Variants in HRNR observed in about 807,000 individuals in gnomAD.
HRNR encodes the protein filaggrin family member 3.
Under a neutral mutation model 4.8 loss-of-function variants are expected in HRNR, and 7 were observed. The ratio of observed to expected loss-of-function variants is 1.47; its 90% confidence interval spans 0.83 to 2.75. HRNR has a LOEUF of 2.75. Ranked by LOEUF, HRNR falls within the 30% of genes most tolerant of loss-of-function variation. HRNR has a pLI of 0.00. For synonymous variants in HRNR, 1,023 were observed against 1,242.7 expected (o/e 0.82, Z 3.72); for missense variants, 2,879 against 3,010.4 (o/e 0.96, Z 1.02).
Position 152,218,659 on chromosome 1 carries a change from G to T in HRNR, c.2970C>A (p.Ser990=), listed in dbSNP as rs776210360. The T allele has an allele frequency of 1.7e-5, 28 of 1,609,938 alleles. No individual in the cohort carries two copies. The South Asian group carries it at 2.8e-4, about 16-fold the overall frequency. Residue 990 remains serine (S), a synonymous_variant, in exon 3 of 3, where the codon TCC becomes TCA. Transcript: ENST00000368801. ...SSSYGQHGSG[S]RQSLGHGQHG... ...GTTGGCCGTGGCCCAAAGACTGACGGGAGCCAGACCCATGCTGACCATAGC... is the reference window on the plus strand; with the variant it reads ...GTTGGCCGTGGCCCAAAGACTGACGTGAGCCAGACCCATGCTGACCATAGC...
In HRNR at chr1:152,219,752, T is replaced by A. The variant is rs750780006; in HGVS notation, c.1877A>T (p.His626Leu). The change falls in exon 3 of 3, where the codon CAT becomes CTT. Residue 626 changes from histidine (H) to leucine (L), a missense_variant. This residue lies in a region of HRNR where 2,646 missense variants were observed against 1,377.7 expected (regional missense o/e 1.92). Transcript: ENST00000368801. ...GGAAGACTGACCTGAGGTAGCTCCA[T>A]GTTGGCCACAGCTCGATGACTGTCC... The part of the protein sequence containing the change: ...TSGQSSSCGQ[H>L]GATSGQSSSH... 1.2e-6 allele frequency: 2 copies of A among 1,613,514 alleles called. No homozygotes were observed. The highest frequency in any genetic ancestry group is 2.2e-5 in the South Asian group (2 of 91,060).
chr1:152,218,977 G>A lies in HRNR; in HGVS notation c.2652C>T (p.Gly884=). ...SHHASGRGRH[G]SGSGQSPGHG... ...GGCCTGGAGACTGGCCAGATCCAGAGCCATGTCGGCCGCGGCCCGAAGCGT... is the reference window on the plus strand; with the variant it reads ...GGCCTGGAGACTGGCCAGATCCAGAACCATGTCGGCCGCGGCCCGAAGCGT... Residue 884 remains glycine, a synonymous_variant, in exon 3 of 3, where the codon GGC becomes GGT. Coordinates refer to ENST00000368801, the MANE Select transcript of HRNR (RefSeq NM_001009931.3). 2 of 1,608,080 alleles carry A rather than the reference G, an allele frequency of 1.2e-6. No individual in the cohort carries two copies. The highest frequency in any genetic ancestry group is 1.7e-4 in the Middle Eastern group (1 of 6,040).
At position 152,219,990 on chromosome 1, in the gene HRNR, G is replaced by A. The variant is rs142288299; in HGVS notation, c.1639C>T (p.Arg547Ter). Residue 547 changes from arginine to a stop codon, truncating the protein, a stop_gained, in exon 3 of 3, where the codon CGA becomes TGA. Coordinates refer to ENST00000368801, the MANE Select transcript of HRNR (RefSeq NM_001009931.3). LOFTEE classifies it low-confidence loss of function (END_TRUNC). ...GACTGCCTGGAACCAGACTCATGTC[G>A]GCCACGGCTAGGGCTAGGAGACTGG... ...SGQSPSPSRG[R>*]HESGSRQSSS... The A allele has an allele frequency of 1.6e-4, 264 of 1,612,898 alleles. No individual in the cohort carries two copies. Among genetic ancestry groups the A allele is most frequent in the Non-Finnish European group, 2.1e-4 (245 of 1,179,770 alleles).
Position 152,218,969 on chromosome 1 carries a change from G to T in HRNR, c.2660C>A (p.Ser887Tyr), listed in dbSNP as rs776090167. 5 of 1,608,738 alleles carry T rather than the reference G, an allele frequency of 3.1e-6. No individual in the cohort carries two copies. In the South Asian group the frequency reaches 3.5e-5, roughly 11 times the overall value. ...CTGGCCGTGGCCTGGAGACTGGCCA[G>T]ATCCAGAGCCATGTCGGCCGCGGCC... ...ASGRGRHGSG[S>Y]GQSPGHGQRG... The change falls in exon 3 of 3, where the codon TCT becomes TAT. Residue 887 changes from serine to tyrosine, a missense_variant. Ser to Tyr is a moderately radical substitution (Grantham distance 144). Transcript: ENST00000368801.
Position 152,221,020 on chromosome 1 carries a change from G to T in HRNR, c.609C>A (p.Pro203=), listed in dbSNP as rs1374556393. The stretch of plus-strand genomic sequence containing the variant: ...AGCCAGAGCCGTGTTGGCCATAGTT[G>T]GGAGACTGCCCTGACCCAGACCCAC... ...GQCGSGSGQS[P]NYGQHGSGSG... The change falls in exon 3 of 3, where the codon CCC becomes CCA. Residue 203 remains proline, a synonymous_variant. Coordinates refer to ENST00000368801, the MANE Select transcript of HRNR (RefSeq NM_001009931.3). The T allele has an allele frequency of 2.5e-6, 4 of 1,613,950 alleles. No homozygotes were observed. The highest frequency in any genetic ancestry group is 3.4e-6 in the Non-Finnish European group (4 of 1,180,030).
In HRNR at chr1:152,219,365, T is replaced by C. The variant is rs139190045; in HGVS notation, c.2264A>G (p.His755Arg). 1.2e-6 allele frequency: 2 copies of C among 1,613,726 alleles called. No individual in the cohort carries two copies. The highest frequency in any genetic ancestry group is 1.3e-5 in the African/African-American group (1 of 74,750). The change falls in exon 3 of 3, where the codon CAT becomes CGT. Residue 755 changes from histidine to arginine, a missense_variant. Physicochemically the swap from His to Arg is conservative, Grantham distance 29 (BLOSUM62 0). This residue lies in a region of HRNR where 2,646 missense variants were observed against 1,377.7 expected (regional missense o/e 1.92). Transcript: ENST00000368801. ...SSGLSSSYGQ[H>R]GSGSHQSSGH... The stretch of plus-strand genomic sequence containing the variant: ...CGAAGATTGATGGGAGCCCGACCCA[T>C]GCTGACCATAGCTGGAAGACAAACC...
intron 2 of HRNR, 106 bp from the exon 3 acceptor site, chr1:152,221,596 A>T: frequency 1.2e-6 from 1 of 837,936 alleles, no homozygotes; most frequent in Middle Eastern, 3.5e-4. Flanking sequence ...GGTTATTTAT[A>T]TGGAACTCAT....
Position 152,221,288 on chromosome 1 carries a change from T to C in HRNR, c.341A>G (p.Glu114Gly), listed in dbSNP as rs775446674. Residue 114 changes from glutamate (E) to glycine (G), a missense_variant, in exon 3 of 3, where the codon GAA (glutamate) becomes GGA (glycine). By Grantham distance (98) the Glu-to-Gly change is moderately conservative. Around this residue, in one of 8 missense-constraint regions of HRNR, gnomAD observed 2,646 missense variants for 1,377.7 expected, o/e 1.92. Transcript: ENST00000368801. ...DTHQHQEEQE[E>G]TEKEENKRQE... ...CCGTTTGTTCTCCTCTTTTTCAGTTTCTTCTTGTTCCTCTTGGTGCTGGTG... is the reference window on the plus strand; with the variant it reads ...CCGTTTGTTCTCCTCTTTTTCAGTTCCTTCTTGTTCCTCTTGGTGCTGGTG... The C allele has an allele frequency of 3.1e-6, 5 of 1,613,906 alleles. No homozygotes were observed. In the African/African-American group the frequency reaches 6.7e-5, roughly 22 times the overall value.
rs1229949663 is a variant in HRNR at position 152,213,790 on chromosome 1, T to A, written c.7839A>T (p.Ser2613=). 1 of 1,442,282 alleles carries A rather than the reference T, an allele frequency of 6.9e-7. No individual in the cohort carries two copies. The highest frequency in any genetic ancestry group is 2.3e-5 in the East Asian group (1 of 42,966). 89.3% of individuals were successfully genotyped at this position (1,442,282 alleles called of 1,614,324 possible). The change falls in exon 3 of 3, where the codon TCA becomes TCT. Residue 2613 remains serine (S), a synonymous_variant. Transcript: ENST00000368801. ...TAGATCCGTGTCGTTCACCCCTAGA[T>A]GACTGTCCTGATCTAGAGCCGTGTT... ...YGQHGSRSGQ[S]SRGERHGSSS... is the part of the protein sequence containing the mutation.
At position 152,219,547 on chromosome 1, in the gene HRNR, G is replaced by T. The variant is rs1366164802; in HGVS notation, c.2082C>A (p.Val694=). The T allele has an allele frequency of 6.2e-7, 1 of 1,613,664 alleles. No individual in the cohort carries two copies. Among genetic ancestry groups the T allele is most frequent in the African/African-American group, 1.3e-5 (1 of 74,814 alleles). Residue 694 remains valine (V), a synonymous_variant, in exon 3 of 3, where the codon GTC becomes GTA. Coordinates refer to ENST00000368801, the MANE Select transcript of HRNR (RefSeq NM_001009931.3). ...WSSSNGPHGS[V]SGQSSGFGHK... ...GACCAAAGCCGGAAGACTGGCCTGA[G>T]ACAGACCCATGTGGGCCATTGCTTG...
chr1:152,221,100 A>C lies in HRNR; in HGVS notation c.529T>G (p.Ser177Ala). Reference protein sequence around the residue: ...GQHNSYSGQSSSYGEQNSDSH... With the variant: ...GQHNSYSGQSASYGEQNSDSH... ...TCGGAGTTTTGCTCACCATAGCTGGAAGACTGACCTGAGTAGGAGTTATGT... is the reference window on the plus strand; with the variant it reads ...TCGGAGTTTTGCTCACCATAGCTGGCAGACTGACCTGAGTAGGAGTTATGT... The change falls in exon 3 of 3, where the codon TCC becomes GCC. Residue 177 changes from serine (S) to alanine (A), a missense_variant. Physicochemically the swap from Ser to Ala is moderately conservative, Grantham distance 99 (BLOSUM62 1). Around this residue, in one of 8 missense-constraint regions of HRNR, gnomAD observed 2,646 missense variants for 1,377.7 expected, o/e 1.92. Transcript: ENST00000368801. The C allele has an allele frequency of 6.2e-7, 1 of 1,614,196 alleles. No homozygotes were observed. Among genetic ancestry groups the C allele is most frequent in the Non-Finnish European group, 8.5e-7 (1 of 1,180,028 alleles).
chr1:152,223,744 T>C lies in HRNR; in HGVS notation c.-26+399A>G, dbSNP rs561382369. ...CTTCTAGGTCAGAGAAAATAGACAA[T>C]GTGAGCAAAGCCAACAAGCCTAGGT... On this transcript the variant is annotated intron_variant, in intron 1 of 2. Coordinates refer to ENST00000368801, the MANE Select transcript of HRNR (RefSeq NM_001009931.3). Among the ~76,000 whole-genome samples the C allele has an allele frequency of 1.3e-4, 20 of 152,240 alleles. No individual in the cohort carries two copies. In the East Asian group the frequency reaches 3.3e-3, roughly 25 times the overall value.
At position 152,218,727 on chromosome 1, in the gene HRNR, A is replaced by G. The variant is rs754947771; in HGVS notation, c.2902T>C (p.Ser968Pro). The G allele has an allele frequency of 1.1e-5, 17 of 1,613,538 alleles. No individual in the cohort carries two copies. The East Asian group carries it at 3.6e-4, about 34-fold the overall frequency. The change falls in exon 3 of 3, where the codon TCT becomes CCT. Residue 968 changes from serine (S) to proline (P), a missense_variant. Transcript: ENST00000368801. ...EQHGSRSGQS[S>P]RSEQHGSSSG... is the part of the protein sequence containing the mutation. ...CTAGATCCATGTTGTTCGCTCCTAG[A>G]TGACTGTCCTGACCTAGAGCCGTGT...
rs530497167 is a variant in HRNR at position 152,212,709 on chromosome 1, T to C, written c.*367A>G. The C allele has an allele frequency of 5.8e-5, 15 of 260,410 alleles. No individual in the cohort carries two copies. In the East Asian group the frequency reaches 1.5e-3, roughly 27 times the overall value. The allele number at this position is 260,410 out of a possible 1,614,324, so 16.1% of individuals were successfully genotyped here. A position where few individuals can be genotyped will look rare whatever the true frequency, so the allele number is the denominator to read the frequency against. ...TAATGCATTTGTAATATTTTGCTTC[T>C]AAGAAATGTAAGGTTAGCTTTGGCA... On this transcript the variant is annotated 3_prime_UTR_variant, in exon 3 of 3. Coordinates refer to ENST00000368801, the MANE Select transcript of HRNR (RefSeq NM_001009931.3).
chr1:152,223,379 C>G (rs200939304), intron 1 of HRNR, 101 bp from the exon 2 acceptor site: 23 of 59,968 alleles, frequency 3.8e-4, no homozygotes, highest in South Asian at 9.7e-4. Flanking sequence ...CAGAATTAGT[C>G]AGTCATGATT....
rs760659566 is a variant in HRNR, at chr1:152,218,719, G to A, written c.2910C>T (p.Ser970=). The change falls in exon 3 of 3, where the codon AGC becomes AGT. Residue 970 remains serine (S), a synonymous_variant. Coordinates refer to ENST00000368801, the MANE Select transcript of HRNR (RefSeq NM_001009931.3). ...HGSRSGQSSR[S]EQHGSSSGSS... ...AACCTGAGCTAGATCCATGTTGTTC[G>A]CTCCTAGATGACTGTCCTGACCTAG... 4.2e-5 allele frequency: 68 copies of A among 1,612,910 alleles called. No homozygotes were observed. In the East Asian group the frequency reaches 5.4e-4, roughly 13 times the overall value.
In HRNR at chr1:152,220,846, G is replaced by A. The variant is rs373664140; in HGVS notation, c.783C>T (p.Gly261=). ...CCCTAGATGACTGTCCTGACCTAGA[G>A]CCGTGTTGTCCGTAGCCAGAGGAGT... is the stretch of plus-strand genomic sequence containing the variant. The part of the protein sequence containing the change: ...SGHSSGYGQH[G]SRSGQSSRGE... Residue 261 remains glycine (G), a synonymous_variant, in exon 3 of 3, where the codon GGC becomes GGT. Coordinates refer to ENST00000368801, the MANE Select transcript of HRNR (RefSeq NM_001009931.3). 32 of 1,613,094 alleles carry A rather than the reference G, an allele frequency of 2.0e-5. No homozygotes were observed. Among genetic ancestry groups the A allele is most frequent in the African/African-American group, 2.7e-5 (2 of 74,578 alleles).
In HRNR at chr1:152,220,630, G is replaced by C. The variant is rs1251674005; in HGVS notation, c.999C>G (p.Tyr333Ter). 2 of 1,612,516 alleles carry C rather than the reference G, an allele frequency of 1.2e-6. No homozygotes were observed. The highest frequency in any genetic ancestry group is 1.3e-5 in the African/African-American group (1 of 74,986). ...GQHGSGSSYS[Y>*]SRGHYESGSG... Reference sequence around the variant, plus strand: ...AGCCAGACTCATAATGGCCACGGCTGTAAGAGTAACTTGAGCCAGACCCGT... The same window carrying C: ...AGCCAGACTCATAATGGCCACGGCTCTAAGAGTAACTTGAGCCAGACCCGT... Residue 333 changes from tyrosine (Y) to a stop codon, truncating the protein, a stop_gained, in exon 3 of 3, where the codon TAC (tyrosine) becomes TAG (stop). Transcript: ENST00000368801. LOFTEE classifies it low-confidence loss of function (END_TRUNC).
In HRNR at chr1:152,220,290, C is replaced by T; in HGVS notation, c.1339G>A (p.Gly447Ser). ...TATGGGCCACTGCTGGAAGATCGAC[C>T]AAAGCCAGTCCCATGTTGGCCGGAG... is the stretch of plus-strand genomic sequence containing the variant. ...PSSGQHGTGF[G>S]RSSSSGPYVS... is the part of the protein sequence containing the mutation. The change falls in exon 3 of 3, where the codon GGT becomes AGT. Residue 447 changes from glycine to serine, a missense_variant. Physicochemically the swap from Gly to Ser is moderately conservative, Grantham distance 56 (BLOSUM62 0). Coordinates refer to ENST00000368801, the MANE Select transcript of HRNR (RefSeq NM_001009931.3). The T allele has an allele frequency of 1.9e-6, 3 of 1,613,954 alleles. No individual in the cohort carries two copies. In the African/African-American group the frequency reaches 4.0e-5, roughly 22 times the overall value.
Sources: gnomAD v4.1 joint callset for allele counts (sites outside exome capture counted in the v4.1 genomes callset) on GRCh38, gnomAD v4.1.1 for gene constraint, gnomAD v4.1.1 regional missense constraint, MANE v1.5 for transcripts, NCBI Gene and HGNC (gene_info 2026-07-23, HGNC 2026-07-21) for gene names.